The following CHRNB3 variants were observed in gnomAD, a reference collection of about 807,000 sequenced individuals.
The protein encoded by CHRNB3 is cholinergic receptor nicotinic beta 3 subunit, also known as neuronal acetylcholine receptor subunit beta-3.
A neutral mutation model predicts 40.6 loss-of-function variants in CHRNB3; 37 were observed. The observed-to-expected ratio is 0.91, with a 90% confidence interval of 0.70 to 1.20. CHRNB3 has a LOEUF of 1.20. Ranked by LOEUF, CHRNB3 falls within the 50% of genes most tolerant of loss-of-function variation. CHRNB3 has a pLI of 0.00. For missense variants in CHRNB3, 505 were observed against 551.2 expected (o/e 0.92, Z 0.84); for synonymous variants, 207 against 207.1 (o/e 1.00, Z 0.00).
At chr8:42,699,680 G>A (rs1380483302) in intron 1 of CHRNB3, among the ~76,000 whole-genome samples, 3 of 151,980 alleles carry the variant, frequency 2.0e-5, no homozygotes, top group Non-Finnish European at 4.4e-5. Flanking sequence ...GAATCGAATC[G>A]CTTGAACCTG....
At chr8:42,712,861 T>C (rs1285583766) in intron 3 of CHRNB3, among the ~76,000 whole-genome samples, 3 of 139,408 alleles carry the variant, frequency 2.2e-5, no homozygotes, top group Admixed American at 1.4e-4. Context: ...ACTGCTCTCT[T>C]TTTTTTTTTT....
intron 1 of CHRNB3, among the ~76,000 whole-genome samples, chr8:42,707,879 C>T (rs554149354): frequency 6.6e-6 from 1 of 152,342 alleles, no homozygotes; most frequent in South Asian, 2.1e-4. Context: ...CCACTATGGG[C>T]CAGGCACTGT....
In CHRNB3 at chr8:42,729,122, C is replaced by T. The variant is rs189758118; in HGVS notation, c.250-1472C>T. On this transcript the variant is annotated intron_variant, in intron 3 of 5. Coordinates refer to ENST00000289957, the MANE Select transcript of CHRNB3 (RefSeq NM_000749.5). Reference sequence around the variant, plus strand: ...GCGTGATTTCCCATAAATATCATGCCATTGGCCGGGCACGGTGGCTCACAC... The same window carrying T: ...GCGTGATTTCCCATAAATATCATGCTATTGGCCGGGCACGGTGGCTCACAC... 5.9e-5 allele frequency among the ~76,000 whole-genome samples: 9 copies of T among 152,074 alleles called. No homozygotes were observed. In the South Asian group the frequency reaches 1.9e-3, roughly 32 times the overall value.
intron 3 of CHRNB3, among the ~76,000 whole-genome samples, chr8:42,720,575 G>A (rs1333596259): frequency 6.6e-6 from 1 of 152,098 alleles, no homozygotes; most frequent in African/African-American, 2.4e-5. Context: ...TATCATCTGA[G>A]TCAGCCCCAG....
chr8:42,714,311 C>T lies in CHRNB3; in HGVS notation c.249+3877C>T, dbSNP rs534352463. ...GAGATTGAGACCATCCTGGCTAACACGGTGAAACCCCATCTCTACTAAAAA... is the reference window on the plus strand; with the variant it reads ...GAGATTGAGACCATCCTGGCTAACATGGTGAAACCCCATCTCTACTAAAAA... On this transcript the variant is annotated intron_variant, in intron 3 of 5. Transcript: ENST00000289957. Among the ~76,000 whole-genome samples, 282 of 151,838 alleles carry T rather than the reference C, an allele frequency of 1.9e-3. 1 individual carries two copies. Among genetic ancestry groups the T allele is most frequent in the Non-Finnish European group, 4.9e-4 (33 of 67,960 alleles).
At chr8:42,718,719 T>G (rs74535395) in intron 3 of CHRNB3, among the ~76,000 whole-genome samples, 8,574 of 151,690 alleles carry the variant, frequency 0.057, 342 homozygotes, top group Middle Eastern at 0.11. Context: ...CGGGGACTTT[T>G]TTTATAGTTT....
chr8:42,721,316 C>T lies in CHRNB3; in HGVS notation c.250-9278C>T, dbSNP rs561608409. On this transcript the variant is annotated intron_variant, in intron 3 of 5. Coordinates refer to ENST00000289957, the MANE Select transcript of CHRNB3 (RefSeq NM_000749.5). ...TTCATGCTGGGCCCCTGCTATATTC[C>T]CAGGACCTGGTTCCTCTCTGGGAGT... 3.3e-5 allele frequency among the ~76,000 whole-genome samples: 5 copies of T among 152,292 alleles called. No homozygotes were observed. In the South Asian group the frequency reaches 1.0e-3, roughly 32 times the overall value.
intron 3 of CHRNB3, among the ~76,000 whole-genome samples, chr8:42,711,129 C>T (rs1446833155): frequency 6.6e-6 from 1 of 152,034 alleles, no homozygotes; most frequent in Non-Finnish European, 1.5e-5. Context: ...ATCCCAGTTT[C>T]GCATATGTTA....
intron 3 of CHRNB3, among the ~76,000 whole-genome samples, chr8:42,724,660 A>G (rs1223324533): frequency 6.6e-6 from 1 of 152,110 alleles, no homozygotes; most frequent in East Asian, 1.9e-4. Flanking sequence ...TGCTGATTTC[A>G]GACGAGGCGG....
rs541929979 is a variant in CHRNB3 at position 42,732,018 on chromosome 8, C to T, written c.711C>T (p.Thr237=). The T allele has an allele frequency of 3.1e-6, 5 of 1,613,988 alleles. No individual in the cohort carries two copies. Among genetic ancestry groups the T allele is most frequent in the Non-Finnish European group, 4.2e-6 (5 of 1,179,998 alleles). The change falls in exon 5 of 6, where the codon ACC becomes ACT. Residue 237 remains threonine (T), a synonymous_variant. Transcript: ENST00000289957. ...FVLRRLPLFY[T]LFLIIPCLGL... ...TGAGACGCCTGCCTTTATTCTATACCCTCTTTCTCATCATCCCCTGCCTGG... is the reference window on the plus strand; with the variant it reads ...TGAGACGCCTGCCTTTATTCTATACTCTCTTTCTCATCATCCCCTGCCTGG...
Position 42,731,816 on chromosome 8 carries a change from A to G in CHRNB3, c.509A>G (p.Lys170Arg), listed in dbSNP as rs1357464082. The G allele has an allele frequency of 6.2e-7, 1 of 1,613,940 alleles. No homozygotes were observed. The highest frequency in any genetic ancestry group is 8.5e-7 in the Non-Finnish European group (1 of 1,180,040). ...FPFDRQNCSM[K>R]FGSWTYDGTM... ...TTCGACCGACAGAACTGCTCCATGA[A>G]GTTTGGATCCTGGACTTATGATGGC... The change falls in exon 5 of 6, where the codon AAG (lysine) becomes AGG (arginine). Residue 170 changes from lysine (K) to arginine (R), a missense_variant. Transcript: ENST00000289957.
chr8:42,714,677 T>C (rs912475582), intron 3 of CHRNB3, among the ~76,000 whole-genome samples: 1 of 152,196 alleles, frequency 6.6e-6, no homozygotes, highest in Non-Finnish European at 1.5e-5. Context: ...TGAGTACTTA[T>C]TAAGTGCCCA....
In CHRNB3 at chr8:42,708,877, T is replaced by C. The variant is rs765777297; in HGVS notation, c.204+9T>C. 10 of 1,607,810 alleles carry C rather than the reference T, an allele frequency of 6.2e-6. No individual in the cohort carries two copies. The highest frequency in any genetic ancestry group is 1.7e-5 in the Admixed American group (1 of 59,160). Reference sequence around the variant, plus strand: ...CCCAGCTTGTAGATGTGGTGAGTAATCCTTGGCACTTGGCTAAAAAGAACA... The same window carrying C: ...CCCAGCTTGTAGATGTGGTGAGTAACCCTTGGCACTTGGCTAAAAAGAACA... On this transcript the variant is annotated intron_variant, in intron 2 of 5. Transcript: ENST00000289957.
Position 42,732,393 on chromosome 8 carries a change from G to C in CHRNB3, c.1086G>C (p.Glu362Asp). The change falls in exon 5 of 6, where the codon GAG becomes GAC. Residue 362 changes from glutamate (E) to aspartate (D), a missense_variant. Glu to Asp is a conservative substitution (Grantham distance 45, BLOSUM62 2). Coordinates refer to ENST00000289957, the MANE Select transcript of CHRNB3 (RefSeq NM_000749.5). ...ATCGCTACTCATCCCCAGAGAAAGAGGAGAGTCAACCAGTAGTGAAAGGCA... is the reference window on the plus strand; with the variant it reads ...ATCGCTACTCATCCCCAGAGAAAGACGAGAGTCAACCAGTAGTGAAAGGCA... Reference protein sequence around the residue: ...HVDRYSSPEKEESQPVVKGKV... With the variant: ...HVDRYSSPEKDESQPVVKGKV... The C allele has an allele frequency of 6.2e-7, 1 of 1,613,930 alleles. No individual in the cohort carries two copies.
intron 3 of CHRNB3, 127 bp downstream of exon 3, chr8:42,710,561 G>A (rs903259065): frequency 1.4e-6 from 1 of 733,204 alleles, no homozygotes; most frequent in Admixed American, 3.0e-5. Context: ...TGTGGGAAGG[G>A]TCTATGGCTT....
intron 5 of CHRNB3, among the ~76,000 whole-genome samples, chr8:42,733,591 TC>T (rs1816465441): frequency 7.8e-6 from 1 of 127,968 alleles, no homozygotes; most frequent in South Asian, 2.6e-4. Context: ...TCATCCTTCT[TC>T]TTTTTTTTTT....
intron 1 of CHRNB3, among the ~76,000 whole-genome samples, chr8:42,705,129 C>G (rs542910843): frequency 2.3e-4 from 35 of 152,190 alleles, no homozygotes; most frequent in Non-Finnish European, 4.3e-4. Context: ...TTTTTAACAA[C>G]CTTTCCTCTA....
At chr8:42,700,487 C>CT (rs979823101) in intron 1 of CHRNB3, among the ~76,000 whole-genome samples, 3 of 151,412 alleles carry the variant, frequency 2.0e-5, no homozygotes, top group Non-Finnish European at 4.4e-5. Flanking sequence ...ACACCTAATT[C>CT]TTTTTTATTT....
At position 42,732,468 on chromosome 8, in the gene CHRNB3, T is replaced by C; in HGVS notation, c.1161T>C (p.Val387=). 6.2e-7 allele frequency: 1 copy of C among 1,612,420 alleles called. No individual in the cohort carries two copies. Among genetic ancestry groups the C allele is most frequent in the South Asian group, 1.1e-5 (1 of 90,524 alleles). The part of the protein sequence containing the change: ...KQKQLSDGEK[V]LVAFLEKAAD... ...AACAGCTTAGTGATGGAGAAAAAGT[T>C]CTAGTTGCTTTTTTGGAAAAAGCTG... Residue 387 remains valine, a synonymous_variant, in exon 5 of 6, where the codon GTT becomes GTC. Coordinates refer to ENST00000289957, the MANE Select transcript of CHRNB3 (RefSeq NM_000749.5).
Sources: allele counts gnomAD v4.1 joint callset (sites outside exome capture counted in the v4.1 genomes callset), GRCh38; gene constraint gnomAD v4.1.1; transcripts MANE v1.5; gene names NCBI Gene and HGNC (gene_info 2026-07-23, HGNC 2026-07-21).